FOXJ2: variants seen among roughly 807,000 people sequenced by gnomAD.
The protein encoded by FOXJ2 is forkhead box protein J2.
In FOXJ2, 18 loss-of-function variants were observed where a neutral mutation model predicts 68.4. The ratio of observed to expected loss-of-function variants is 0.26; its 90% confidence interval spans 0.18 to 0.39. The LOEUF is 0.39. Ranked by LOEUF, FOXJ2 falls within the 10% of genes least tolerant of loss-of-function variation. The pLI, the probability that FOXJ2 is intolerant of heterozygous loss-of-function variation, is 1.00. For synonymous variants in FOXJ2, 274 were observed against 263.2 expected (o/e 1.04, Z -0.40); for missense variants, 670 against 726.5 (o/e 0.92, Z 0.89).
At chr12:8,044,715 C>G in intron 5 of FOXJ2, 45 bp from the exon 6 acceptor site, 2 of 1,606,198 alleles carry the variant, frequency 1.2e-6, no homozygotes, top group South Asian at 2.2e-5. Context: ...TTTATTGGTC[C>G]CTCAGCTGGG....
chr12:8,036,287 GC>G (rs1298702532), intron 1 of FOXJ2, among the ~76,000 whole-genome samples: 1 of 152,202 alleles, frequency 6.6e-6, no homozygotes, highest in Non-Finnish European at 1.5e-5. Context: ...ACAATTAGTG[GC>G]CTTTCAGATA....
At chr12:8,039,285 G>A (rs973296933) in intron 1 of FOXJ2, among the ~76,000 whole-genome samples, 5 of 152,168 alleles carry the variant, frequency 3.3e-5, no homozygotes, top group African/African-American at 7.2e-5. Context: ...GCAAGTGCTC[G>A]TAATGCATCT....
chr12:8,050,484 C>T (rs371445116), intron 9 of FOXJ2, 38 bp from the exon 10 acceptor site: 15 of 1,598,544 alleles, frequency 9.4e-6, no homozygotes, highest in Middle Eastern at 1.7e-4. Flanking sequence ...AGTGACCCGC[C>T]CCCCCCAACT....
chr12:8,043,574 C>A, intron 3 of FOXJ2, 127 bp from the exon 4 acceptor site: 1 of 894,560 alleles, frequency 1.1e-6, no homozygotes, highest in Non-Finnish European at 1.8e-6. Context: ...TGTGTTTGGA[C>A]CACAGGATTA....
chr12:8,050,305 C>A, intron 9 of FOXJ2: 1 of 1,293,610 alleles, frequency 7.7e-7, no homozygotes, highest in Non-Finnish European at 9.8e-7. Context: ...TTCCTTATAT[C>A]TTTCCTATTT....
intron 1 of FOXJ2, among the ~76,000 whole-genome samples, chr12:8,036,800 C>T (rs1324821065): frequency 6.6e-6 from 1 of 152,112 alleles, no homozygotes; most frequent in Non-Finnish European, 1.5e-5. Flanking sequence ...ATCAAGACTT[C>T]ACTGGGGGCC....
intron 1 of FOXJ2, among the ~76,000 whole-genome samples, chr12:8,036,368 G>A (rs1359496305): frequency 6.6e-6 from 1 of 152,180 alleles, no homozygotes. Context: ...CTTTCACTCC[G>A]AGAATGTCTA....
intron 3 of FOXJ2, among the ~76,000 whole-genome samples, chr12:8,042,986 C>T (rs373544179): frequency 1.3e-5 from 2 of 152,030 alleles, no homozygotes; most frequent in East Asian, 1.9e-4. Context: ...GTGGCCGAGG[C>T]GGGCGGATCA....
At chr12:8,050,269 C>A in intron 9 of FOXJ2, 1 of 1,190,218 alleles carries the variant, frequency 8.4e-7, no homozygotes, top group Non-Finnish European at 1.1e-6. Flanking sequence ...AGCCACCATA[C>A]CTGGCCCTGT....
At chr12:8,051,562 T>C (rs929197217) in intron 10 of FOXJ2, among the ~76,000 whole-genome samples, 1 of 152,164 alleles carries the variant, frequency 6.6e-6, no homozygotes, top group Non-Finnish European at 1.5e-5. Context: ...GCAAATAAAA[T>C]GAATTTGTTA....
In FOXJ2 at chr12:8,054,311, G is replaced by A. The variant is rs1947161210; in HGVS notation, c.*1461G>A. 1 of 152,182 alleles carries A rather than the reference G, an allele frequency of 6.6e-6. No homozygotes were observed. The highest frequency in any genetic ancestry group is 1.5e-5 in the Non-Finnish European group (1 of 68,050). The allele number at this position is 152,182 out of a possible 1,614,324, so 9.4% of individuals were successfully genotyped here. A position where few individuals can be genotyped will look rare whatever the true frequency, so the allele number is the denominator to read the frequency against. Reference sequence around the variant, plus strand: ...CAGTGTATATTTAATGTTGATTGTTGAATTTTAGTTACGAGAGGGAAGAAC... The same window carrying A: ...CAGTGTATATTTAATGTTGATTGTTAAATTTTAGTTACGAGAGGGAAGAAC... On this transcript the variant is annotated 3_prime_UTR_variant, in exon 11 of 11. Transcript: ENST00000162391.
At position 8,049,580 on chromosome 12, in the gene FOXJ2, C is replaced by T; in HGVS notation, c.1537+9C>T. The stretch of plus-strand genomic sequence containing the variant: ...GTCAGCCATGAGCCAAGGTACTGCA[C>T]CAAGCCAGTTGCCATGGAGGTGGAG... On this transcript the variant is annotated intron_variant, in intron 9 of 10. Coordinates refer to ENST00000162391, the MANE Select transcript of FOXJ2 (RefSeq NM_018416.3). 6.4e-7 allele frequency: 1 copy of T among 1,557,606 alleles called. No homozygotes were observed. Among genetic ancestry groups the T allele is most frequent in the Non-Finnish European group, 8.7e-7 (1 of 1,146,448 alleles).
rs376357557 is a variant in FOXJ2 at position 8,050,584 on chromosome 12, A to G, written c.1600A>G (p.Ile534Val). The G allele has an allele frequency of 2.0e-5, 33 of 1,613,752 alleles. No individual in the cohort carries two copies. The highest frequency in any genetic ancestry group is 1.2e-4 in the Admixed American group (7 of 59,962). ...CCCTGGCCCATCACCAATGTACCCA[A>G]TCCCCACCCAGGACTCAGCAGGATA... ...LYPGPSPMYP[I>V]PTQDSAGYNR... Residue 534 changes from isoleucine (I) to valine (V), a missense_variant, in exon 10 of 11, where the codon ATC (isoleucine) becomes GTC (valine). Physicochemically the swap from Ile to Val is conservative, Grantham distance 29. Around this residue, in one of 2 missense-constraint regions of FOXJ2, gnomAD observed 555 missense variants for 562.2 expected, o/e 0.99. Transcript: ENST00000162391.
chr12:8,042,629 A>C (rs760865295), intron 2 of FOXJ2, 29 bp from the exon 3 acceptor site: 1 of 1,597,664 alleles, frequency 6.3e-7, no homozygotes, highest in East Asian at 2.2e-5. Context: ...CATAATGCTC[A>C]GGCCTAACTT....
intron 9 of FOXJ2, chr12:8,050,199 C>A: frequency 2.5e-6 from 1 of 404,514 alleles, no homozygotes; most frequent in Non-Finnish European, 3.7e-6. Context: ...TATCTTCAAA[C>A]TCTTGGACTC....
At position 8,052,883 on chromosome 12, in the gene FOXJ2, C is replaced by A. The variant is rs189205542; in HGVS notation, c.*33C>A. 1 of 1,562,964 alleles carries A rather than the reference C, an allele frequency of 6.4e-7. No homozygotes were observed. The highest frequency in any genetic ancestry group is 1.1e-5 in the South Asian group (1 of 87,380). On this transcript the variant is annotated 3_prime_UTR_variant, in exon 11 of 11. Coordinates refer to ENST00000162391, the MANE Select transcript of FOXJ2 (RefSeq NM_018416.3). ...CAGAGTGTGGACATCAGCCCAGGGC[C>A]GCGTGGTGAAATCTGGCAGTGGGGA...
rs749446654 is a variant in FOXJ2, at chr12:8,038,318, G to A, written c.-14-1501G>A. Among the ~76,000 whole-genome samples the A allele has an allele frequency of 1.3e-5, 2 of 152,318 alleles. No individual in the cohort carries two copies. The highest frequency in any genetic ancestry group is 2.1e-4 in the South Asian group (1 of 4,826). ...AGGGAGCTGAGACCCTGAAGGATGT[G>A]TTGGAGTCAGGAGAGAGGGGGACAT... On this transcript the variant is annotated intron_variant, in intron 1 of 10. Coordinates refer to ENST00000162391, the MANE Select transcript of FOXJ2 (RefSeq NM_018416.3). The surrounding 1 kb of genome is among the most constrained non-coding windows in gnomAD (Gnocchi z 5.3).
At position 8,035,562 on chromosome 12, in the gene FOXJ2, C is replaced by T. The variant is rs1317944227; in HGVS notation, c.-15+1729C>T. On this transcript the variant is annotated intron_variant, in intron 1 of 10. Coordinates refer to ENST00000162391, the MANE Select transcript of FOXJ2 (RefSeq NM_018416.3). This position sits in a 1 kb window ranked among gnomAD's most constrained non-coding sequence, Gnocchi z 4.0. ...TTACAAAAGAGGCCTCGCTGGTTAA[C>T]AGCAGCCTGTTTCTTATAAAGTACT... is the stretch of plus-strand genomic sequence containing the variant. Among the ~76,000 whole-genome samples, 1 of 152,228 alleles carries T rather than the reference C, an allele frequency of 6.6e-6. No homozygotes were observed. The highest frequency in any genetic ancestry group is 1.5e-5 in the Non-Finnish European group (1 of 68,048).
At chr12:8,052,142 A>G (rs1947133842) in intron 10 of FOXJ2, among the ~76,000 whole-genome samples, 1 of 152,142 alleles carries the variant, frequency 6.6e-6, no homozygotes, top group Non-Finnish European at 1.5e-5. Context: ...TGCTGGGATT[A>G]TAGGCATGAG....
Sources: allele counts gnomAD v4.1 joint callset (sites outside exome capture counted in the v4.1 genomes callset), GRCh38; gene constraint gnomAD v4.1.1; regional missense constraint gnomAD v4.1.1; non-coding constraint Gnocchi (gnomAD v3.1); transcripts MANE v1.5; gene names NCBI Gene and HGNC (gene_info 2026-07-23, HGNC 2026-07-21).